Variants in SLC19A1 observed in about 807,000 individuals in gnomAD.
SLC19A1 encodes reduced folate transporter.
Under a neutral mutation model 35.3 loss-of-function variants are expected in SLC19A1, and 37 were observed. That is an observed-to-expected ratio of 1.05 (90% CI 0.81 to 1.38). SLC19A1 has a LOEUF of 1.38. SLC19A1 is among the 40% of genes most tolerant of loss of function. The pLI is 0.00. For missense variants in SLC19A1, 831 were observed against 826.9 expected, an observed-to-expected ratio of 1.00 and a Z score of -0.06; for synonymous variants, 460 against 398.5, an observed-to-expected ratio of 1.15 and a Z score of -1.84.
In SLC19A1 at chr21:45,514,865, G is replaced by GCTGCCCAGCCCAGGCAAGC. The variant is rs1303456736; in HGVS notation, c.*774_*792dup. On this transcript the variant is annotated 3_prime_UTR_variant, in exon 6 of 6. Transcript: ENST00000311124. ...CCACCACAAAGGCAGCCCCCCCAAG[G>GCTGCCCAGCCCAGGCAAGC]CTGCCCAGCCCAGGCAAGCCTGGCA... 9 of 826,940 alleles carry GCTGCCCAGCCCAGGCAAGC rather than the reference G, an allele frequency of 1.1e-5. No individual in the cohort carries two copies. The highest frequency in any genetic ancestry group is 1.6e-5 in the Non-Finnish European group (9 of 561,392). 51.2% of individuals were successfully genotyped at this position (826,940 alleles called of 1,614,324 possible).
chr21:45,510,959 A>G, downstream of SLC19A1: 1 of 88,402 alleles, frequency 1.1e-5, no homozygotes. Flanking sequence ...ACAACACCCC[A>G]CATACACCCC....
downstream of SLC19A1, chr21:45,510,966 C>A: frequency 1.1e-3 from 28 of 25,150 alleles, 5 homozygotes; most frequent in African/African-American, 2.3e-3. Flanking sequence ...CCCACATACA[C>A]CCCCAAACAC....
chr21:45,557,818 C>T (rs541935027), intron 1 of SLC19A1, among the ~76,000 whole-genome samples: 1 of 152,314 alleles, frequency 6.6e-6, no homozygotes, highest in African/African-American at 2.4e-5. Flanking sequence ...CAGACGCAGC[C>T]CAGACAGTTG....
Position 45,515,276 on chromosome 21 carries a change from A to G in SLC19A1, c.*382T>C. 1.3e-6 allele frequency: 2 copies of G among 1,486,396 alleles called. No homozygotes were observed. The highest frequency in any genetic ancestry group is 5.5e-5 in the Admixed American group (2 of 36,558). 92.1% of individuals were successfully genotyped at this position (1,486,396 alleles called of 1,614,324 possible). On this transcript the variant is annotated 3_prime_UTR_variant, in exon 6 of 6. Transcript: ENST00000311124. ...TCCCACCCTGCCCTAGAGGGCTCAC[A>G]ACTCCTGTGGGGCCAGTGTCCCCTG...
downstream of SLC19A1, among the ~76,000 whole-genome samples, chr21:45,512,004 G>A (rs1300825396): frequency 1.3e-5 from 2 of 152,182 alleles, no homozygotes; most frequent in Non-Finnish European, 1.5e-5. Context: ...CAGTCTGGGA[G>A]ATGCAGCCCC....
chr21:45,506,553 G>A (rs2037213607), intron 3 of SLC19A1: 1 of 197,284 alleles, frequency 5.1e-6, no homozygotes, highest in Non-Finnish European at 1.1e-5. Context: ...CTCTGATCCA[G>A]GTGGGTGCGG....
At chr21:45,535,384 C>A (rs1315973912) in intron 2 of SLC19A1, among the ~76,000 whole-genome samples, 1 of 152,222 alleles carries the variant, frequency 6.6e-6, no homozygotes, top group Admixed American at 6.5e-5. Flanking sequence ...CACAACCAGT[C>A]CAATCCCAAG....
Position 45,517,261 on chromosome 21 carries a change from G to A in SLC19A1, c.1294-1121C>T, listed in dbSNP as rs1185212460. On this transcript the variant is annotated intron_variant, in intron 5 of 5. Transcript: ENST00000311124. The surrounding 1 kb of genome is among the most constrained non-coding windows in gnomAD (Gnocchi z 4.4). ...GCAGCTCTCTCTGGCCTAAGACCCAGGGAAGGGTCAGCCCAACATGAGGAA... is the reference window on the plus strand; with the variant it reads ...GCAGCTCTCTCTGGCCTAAGACCCAAGGAAGGGTCAGCCCAACATGAGGAA... 2.0e-5 allele frequency among the ~76,000 whole-genome samples: 3 copies of A among 152,166 alleles called. No homozygotes were observed. Among genetic ancestry groups the A allele is most frequent in the African/African-American group, 7.2e-5 (3 of 41,418 alleles).
downstream of SLC19A1, chr21:45,510,360 CCA>C: frequency 7.5e-7 from 1 of 1,331,184 alleles, no homozygotes; most frequent in Non-Finnish European, 1.1e-6. Flanking sequence ...CCTCTGGAGG[CCA>C]CCATGTTACA....
chr21:45,516,743 G>C (rs972367496), intron 5 of SLC19A1, among the ~76,000 whole-genome samples: 4 of 152,184 alleles, frequency 2.6e-5, no homozygotes, highest in African/African-American at 4.8e-5. Context: ...ACACCAGGGA[G>C]GGACCTGATC....
intron 3 of SLC19A1, chr21:45,503,105 C>T (rs1260693766): frequency 6.6e-6 from 1 of 152,162 alleles, no homozygotes; most frequent in African/African-American, 2.4e-5. Context: ...ATGGCTGGGT[C>T]AAATGGTATT....
At chr21:45,536,810 G>A (rs2078127830) in intron 2 of SLC19A1, among the ~76,000 whole-genome samples, 1 of 152,160 alleles carries the variant, frequency 6.6e-6, no homozygotes, top group Non-Finnish European at 1.5e-5. Context: ...GCAGGCCCAG[G>A]GCCCTGGGAT....
downstream of SLC19A1, among the ~76,000 whole-genome samples, chr21:45,508,455 A>ATGGG (rs2037374424): frequency 8.3e-6 from 1 of 120,230 alleles, no homozygotes; most frequent in African/African-American, 3.2e-5. Context: ...GGGTGAGTGG[A>ATGGG]TGGGTGGATG....
At chr21:45,522,563 A>G (rs1349561378) in intron 5 of SLC19A1, among the ~76,000 whole-genome samples, 1 of 152,214 alleles carries the variant, frequency 6.6e-6, no homozygotes, top group Non-Finnish European at 1.5e-5. Flanking sequence ...TAGCAGCTTT[A>G]TTGGTAATAC....
intron 4 of SLC19A1, among the ~76,000 whole-genome samples, chr21:45,529,847 T>C (rs2077797418): frequency 6.6e-6 from 1 of 150,444 alleles, no homozygotes; most frequent in Admixed American, 6.6e-5. Context: ...GTGTGGTGTG[T>C]GTCCATGTGT....
Position 45,504,062 on chromosome 21 carries a change from A to T in SLC19A1, c.498-5450T>A, listed in dbSNP as rs552184869. 4 of 1,612,890 alleles carry T rather than the reference A, an allele frequency of 2.5e-6. No homozygotes were observed. The African/African-American group carries it at 5.3e-5, about 22-fold the overall frequency. ...TTGGAGGCTGAAATGAAGGTGGGTG[A>T]CCTCCCTGTGGGGTTGGGGGCCCCC... On this transcript the variant is annotated intron_variant, in intron 3 of 4. Transcript: ENST00000417954.
intron 3 of SLC19A1, 45 bp from the exon 4 acceptor site, chr21:45,531,016 C>T (rs1183302635): frequency 7.9e-6 from 2 of 253,322 alleles, no homozygotes; most frequent in Non-Finnish European, 5.2e-6. Flanking sequence ...TGGGGGGCCA[C>T]GGGGCAGGGG....
At chr21:45,543,139 C>G (rs2078363322), upstream of SLC19A1, among the ~76,000 whole-genome samples, 1 of 152,188 alleles carries the variant, frequency 6.6e-6, no homozygotes, top group African/African-American at 2.4e-5. Context: ...CGGGGGAGAC[C>G]CGCGCAGGCC....
downstream of SLC19A1, chr21:45,512,177 G>A (rs371750491): frequency 1.5e-4 from 235 of 1,609,198 alleles, 1 homozygote; most frequent in East Asian, 3.3e-3. Flanking sequence ...ACGGCCCGGC[G>A]CGTCTTACAG....
Sources: gnomAD v4.1 joint callset for allele counts (sites outside exome capture counted in the v4.1 genomes callset) on GRCh38, gnomAD v4.1.1 for gene constraint, Gnocchi (gnomAD v3.1) non-coding constraint, MANE v1.5 for transcripts, NCBI Gene and HGNC (gene_info 2026-07-23, HGNC 2026-07-21) for gene names.